CDH13: variants seen among roughly 807,000 people sequenced by gnomAD.
CDH13 encodes the protein cadherin 13, also known as cadherin-13.
A neutral mutation model predicts 63.8 loss-of-function variants in CDH13; 24 were observed. The ratio of observed to expected loss-of-function variants is 0.38; its 90% confidence interval spans 0.27 to 0.53. CDH13 has a LOEUF of 0.53. CDH13 is among the 20% of genes least tolerant of loss of function. CDH13 has a pLI of 0.85. For synonymous variants in CDH13, 503 were observed against 355.3 expected (o/e 1.42, Z -4.67); for missense variants, 1,049 against 903.1 (o/e 1.16, Z -2.07).
chr16:83,495,180 G>A (rs909992672), intron 7 of CDH13, among the ~76,000 whole-genome samples: 2 of 152,132 alleles, frequency 1.3e-5, no homozygotes, highest in Non-Finnish European at 2.9e-5. Context: ...ATATGCCCAA[G>A]GTGGTCGGGC....
chr16:83,009,172 C>G (rs1231662437), intron 2 of CDH13, among the ~76,000 whole-genome samples: 1 of 152,188 alleles, frequency 6.6e-6, no homozygotes, highest in Admixed American at 6.5e-5. Flanking sequence ...ATGTCTACTT[C>G]ATTCAAGAGA....
At chr16:83,368,426 C>T (rs1483395038) in intron 6 of CDH13, among the ~76,000 whole-genome samples, 1 of 152,176 alleles carries the variant, frequency 6.6e-6, no homozygotes, top group African/African-American at 2.4e-5. Context: ...TTCCCCTCTT[C>T]AACTGTCTTT....
intron 5 of CDH13, among the ~76,000 whole-genome samples, chr16:83,323,282 C>CT (rs60508230): frequency 0.57 from 69,803 of 122,028 alleles, 20,056 homozygotes; most frequent in South Asian, 0.67. Context: ...TTCTTTTTTT[C>CT]TTTTTTTTTT....
At chr16:82,950,416 A>G (rs1012579545) in intron 2 of CDH13, among the ~76,000 whole-genome samples, 2 of 151,964 alleles carry the variant, frequency 1.3e-5, no homozygotes, top group Non-Finnish European at 1.5e-5. Context: ...CCCACGTGTT[A>G]TGGGAGGGAC....
chr16:83,544,871 G>C (rs143872507), intron 7 of CDH13, among the ~76,000 whole-genome samples: 81 of 152,250 alleles, frequency 5.3e-4, no homozygotes, highest in African/African-American at 1.8e-3. Flanking sequence ...ACAATGTCTG[G>C]CCACAGTATA....
intron 1 of CDH13, chr16:82,823,254 G>C (rs1597709306): frequency 6.6e-6 from 1 of 152,414 alleles, no homozygotes; most frequent in East Asian, 1.9e-4. Context: ...GGGCAGCAGG[G>C]GAAGGGGATG....
chr16:83,602,671 C>T lies in CDH13; in HGVS notation c.1101+77C>T. ...CTGATTGATGTTAATTCACGTACCA[C>T]AGCACCTGCTGGCCCCCCTTTCAAA... On this transcript the variant is annotated intron_variant, in intron 8 of 13. Coordinates refer to ENST00000567109, the MANE Select transcript of CDH13 (RefSeq NM_001257.5). 5 of 1,423,084 alleles carry T rather than the reference C, an allele frequency of 3.5e-6. 1 individual carries two copies. Among genetic ancestry groups the T allele is most frequent in the East Asian group, 4.6e-5 (2 of 43,752 alleles). The allele number at this position is 1,423,084 out of a possible 1,614,324, so 88.2% of individuals were successfully genotyped here.
intron 4 of CDH13, among the ~76,000 whole-genome samples, chr16:83,130,804 A>AT (rs901271449): frequency 3.9e-5 from 6 of 152,124 alleles, no homozygotes; most frequent in Non-Finnish European, 8.8e-5. Flanking sequence ...CTGGTTCTTG[A>AT]TTTTTTTGGT....
chr16:83,727,637 A>G (rs1035829550), intron 10 of CDH13, among the ~76,000 whole-genome samples: 2 of 152,156 alleles, frequency 1.3e-5, no homozygotes, highest in Non-Finnish European at 2.9e-5. Context: ...TAAGCCGAGA[A>G]TGTTAGTACA....
intron 1 of CDH13, among the ~76,000 whole-genome samples, chr16:82,677,080 C>T (rs751482744): frequency 3.3e-5 from 5 of 152,132 alleles, no homozygotes; most frequent in African/African-American, 9.7e-5. Flanking sequence ...GACGGGGTTT[C>T]GCCATGTTGG....
At chr16:82,758,044 G>A (rs1430086042) in intron 1 of CDH13, among the ~76,000 whole-genome samples, 1 of 152,102 alleles carries the variant, frequency 6.6e-6, no homozygotes, top group Non-Finnish European at 1.5e-5. Context: ...TTACCTTTCA[G>A]GTTAGTTGTA....
chr16:83,790,576 T>C (rs754048502), intron 13 of CDH13, among the ~76,000 whole-genome samples: 39 of 152,002 alleles, frequency 2.6e-4, no homozygotes, highest in South Asian at 6.2e-4. Context: ...ATGTTGTTTT[T>C]GTATTTTTAG....
chr16:83,096,137 A>G lies in CDH13; in HGVS notation c.367-29248A>G, dbSNP rs116312185. On this transcript the variant is annotated intron_variant, in intron 3 of 13. Transcript: ENST00000567109. The stretch of plus-strand genomic sequence containing the variant: ...GGAAATATGTGGAGTTACAGGTACA[A>G]CTCTGTAAGGGCATTAGCCTGTACC... 4.1e-3 allele frequency among the ~76,000 whole-genome samples: 618 copies of G among 152,140 alleles called. 3 individuals carry two copies. Among genetic ancestry groups the G allele is most frequent in the African/African-American group, 0.014 (594 of 41,492 alleles).
intron 1 of CDH13, among the ~76,000 whole-genome samples, chr16:82,805,047 G>A (rs1486781084): frequency 6.6e-6 from 1 of 152,110 alleles, no homozygotes; most frequent in South Asian, 2.1e-4. Context: ...TGAAGATAAG[G>A]GACACGGCAT....
At chr16:83,245,192 C>G (rs561511228) in intron 5 of CDH13, among the ~76,000 whole-genome samples, 1 of 152,060 alleles carries the variant, frequency 6.6e-6, no homozygotes, top group African/African-American at 2.4e-5. Context: ...CTTTCTTTAC[C>G]TCTGGACTCT....
At chr16:82,757,777 G>T (rs2034673780) in intron 1 of CDH13, among the ~76,000 whole-genome samples, 1 of 151,988 alleles carries the variant, frequency 6.6e-6, no homozygotes, top group Admixed American at 6.6e-5. Context: ...GAGTAGCTGG[G>T]ACTATAGGCG....
intron 5 of CDH13, among the ~76,000 whole-genome samples, chr16:83,298,577 G>A (rs551528495): frequency 2.0e-5 from 3 of 152,232 alleles, no homozygotes; most frequent in East Asian, 3.9e-4. Context: ...AGCTTCCTAA[G>A]CACTTAAAAA....
chr16:83,160,001 A>G (rs1017285714), intron 4 of CDH13, among the ~76,000 whole-genome samples: 5 of 152,186 alleles, frequency 3.3e-5, no homozygotes, highest in Non-Finnish European at 7.4e-5. Context: ...GCTTGAACCC[A>G]GGAGGCAGAG....
At chr16:83,428,716 G>C (rs185182702) in intron 6 of CDH13, among the ~76,000 whole-genome samples, 1 of 152,192 alleles carries the variant, frequency 6.6e-6, no homozygotes, top group Non-Finnish European at 1.5e-5. Context: ...ATCGGTTTGC[G>C]ATTCTCTTCT....
Sources: gnomAD v4.1 joint callset for allele counts (sites outside exome capture counted in the v4.1 genomes callset) on GRCh38, gnomAD v4.1.1 for gene constraint, MANE v1.5 for transcripts, NCBI Gene and HGNC (gene_info 2026-07-23, HGNC 2026-07-21) for gene names.